The following LRFN2 variants were observed in gnomAD, a reference collection of about 807,000 sequenced individuals.
The protein encoded by LRFN2 is leucine rich repeat and fibronectin type III domain containing 2.
Under a neutral mutation model 37.3 loss-of-function variants are expected in LRFN2, and 18 were observed. The observed-to-expected ratio is 0.48, with a 90% CI of 0.33 to 0.72. The LOEUF is 0.72. Among genes scored for constraint, LRFN2 ranks in the 30% least tolerant of loss-of-function variants. The pLI is 0.02. For synonymous variants in LRFN2, 556 were observed against 466.6 expected (o/e 1.19, Z -2.47); for missense variants, 1,006 against 1,060.7 (o/e 0.95, Z 0.72).
intron 1 of LRFN2, among the ~76,000 whole-genome samples, chr6:40,556,282 C>G (rs1355753059): frequency 6.6e-6 from 1 of 152,208 alleles, no homozygotes; most frequent in African/African-American, 2.4e-5. Context: ...AGGGACCCAG[C>G]CCCGACTGAA....
intron 1 of LRFN2, among the ~76,000 whole-genome samples, chr6:40,560,380 G>A (rs530594930): frequency 6.6e-6 from 1 of 152,252 alleles, no homozygotes; most frequent in South Asian, 2.1e-4. Flanking sequence ...GCCTGACTGG[G>A]GAAGCCCAGT....
intron 2 of LRFN2, among the ~76,000 whole-genome samples, chr6:40,422,113 G>GT (rs1763241669): frequency 6.6e-6 from 1 of 152,164 alleles, no homozygotes; most frequent in Non-Finnish European, 1.5e-5. Flanking sequence ...TGCACATGGT[G>GT]TTTTGTTTCC....
intron 1 of LRFN2, among the ~76,000 whole-genome samples, chr6:40,438,927 C>T (rs763967464): frequency 4.6e-5 from 7 of 152,090 alleles, no homozygotes; most frequent in Non-Finnish European, 1.0e-4. Flanking sequence ...GTGATTTTTA[C>T]ATTTAAAACA....
intron 1 of LRFN2, among the ~76,000 whole-genome samples, chr6:40,564,861 C>G (rs1283291522): frequency 6.6e-6 from 1 of 152,248 alleles, no homozygotes; most frequent in Non-Finnish European, 1.5e-5. Flanking sequence ...GTGATCATAT[C>G]CTCCAACCCC....
At chr6:40,460,925 G>A (rs888723787) in intron 1 of LRFN2, among the ~76,000 whole-genome samples, 13 of 152,204 alleles carry the variant, frequency 8.5e-5, no homozygotes, top group Non-Finnish European at 1.5e-4. Context: ...CTTCTGGCCA[G>A]CTGAGTCTAC....
chr6:40,551,660 A>G (rs1261536472), intron 1 of LRFN2, among the ~76,000 whole-genome samples: 2 of 152,228 alleles, frequency 1.3e-5, no homozygotes, highest in Non-Finnish European at 2.9e-5. Flanking sequence ...GAACACCATC[A>G]AGCATCTGAG....
At chr6:40,560,950 C>T (rs1327815554) in intron 1 of LRFN2, among the ~76,000 whole-genome samples, 1 of 152,126 alleles carries the variant, frequency 6.6e-6, no homozygotes, top group Admixed American at 6.5e-5. Flanking sequence ...CTCTGTCTTC[C>T]CTGTCTGTAA....
chr6:40,539,631 A>G (rs370561855), intron 1 of LRFN2, among the ~76,000 whole-genome samples: 2 of 152,234 alleles, frequency 1.3e-5, no homozygotes. Flanking sequence ...TCCCAAGTGC[A>G]CAGATCTCCA....
rs547342618 is a variant in LRFN2 at position 40,581,612 on chromosome 6, G to A, written c.-19+5329C>T. ...TTCATTACAGGAAAGGTTGAATCAAGTAATCAATTCTACCCATCCAGAAAT... is the reference window on the plus strand; with the variant it reads ...TTCATTACAGGAAAGGTTGAATCAAATAATCAATTCTACCCATCCAGAAAT... On this transcript the variant is annotated intron_variant, in intron 1 of 2. Coordinates refer to ENST00000338305, the MANE Select transcript of LRFN2 (RefSeq NM_020737.3). 5.4e-3 allele frequency among the ~76,000 whole-genome samples: 823 copies of A among 152,300 alleles called. 3 individuals carry two copies. Among genetic ancestry groups the A allele is most frequent in the African/African-American group, 0.018 (742 of 41,546 alleles).
intron 1 of LRFN2, among the ~76,000 whole-genome samples, chr6:40,455,256 C>A (rs1245113425): frequency 6.6e-6 from 1 of 152,250 alleles, no homozygotes; most frequent in Non-Finnish European, 1.5e-5. Context: ...GCCTGTGCAT[C>A]TCTGAGACTA....
At chr6:40,482,047 C>T (rs1381088432) in intron 1 of LRFN2, among the ~76,000 whole-genome samples, 8 of 152,180 alleles carry the variant, frequency 5.3e-5, no homozygotes, top group Non-Finnish European at 1.2e-4. Flanking sequence ...CTTGCCCAAG[C>T]AGCTAGAAGG....
At chr6:40,485,153 T>C (rs1246687392) in intron 1 of LRFN2, among the ~76,000 whole-genome samples, 1 of 152,228 alleles carries the variant, frequency 6.6e-6, no homozygotes, top group African/African-American at 2.4e-5. Flanking sequence ...GTGTATAAAA[T>C]GTTCAACTAT....
chr6:40,409,705 T>C (rs897809027), intron 2 of LRFN2, among the ~76,000 whole-genome samples: 2 of 152,230 alleles, frequency 1.3e-5, no homozygotes, highest in East Asian at 1.9e-4. Context: ...ATGTAAGTGG[T>C]GAAGCATTTA....
intron 1 of LRFN2, among the ~76,000 whole-genome samples, chr6:40,469,478 G>A (rs574828771): frequency 1.3e-5 from 2 of 152,274 alleles, no homozygotes; most frequent in South Asian, 4.2e-4. Context: ...CAGGGCTCAG[G>A]GTTAGATGGG....
chr6:40,417,473 G>C (rs953118109), intron 2 of LRFN2, among the ~76,000 whole-genome samples: 3 of 152,180 alleles, frequency 2.0e-5, no homozygotes. Context: ...ACTAGAGTAG[G>C]TGATTTATTG....
At chr6:40,492,344 G>A (rs9367060) in intron 1 of LRFN2, among the ~76,000 whole-genome samples, 8,787 of 151,848 alleles carry the variant, frequency 0.058, 352 homozygotes, top group East Asian at 0.16. Flanking sequence ...GGCTGTCCCC[G>A]CCCCACAGCT....
chr6:40,547,867 C>T (rs796287381), intron 1 of LRFN2, among the ~76,000 whole-genome samples: 70 of 152,272 alleles, frequency 4.6e-4, no homozygotes, highest in African/African-American at 1.6e-3. Flanking sequence ...CCAGTGTTAC[C>T]AGCCCCAGGG....
At chr6:40,450,340 C>T (rs1237790791) in intron 1 of LRFN2, among the ~76,000 whole-genome samples, 1 of 152,222 alleles carries the variant, frequency 6.6e-6, no homozygotes, top group African/African-American at 2.4e-5. Context: ...AGCTCCTGGC[C>T]CATCAGAGTC....
At chr6:40,525,095 G>A (rs572269452) in intron 1 of LRFN2, among the ~76,000 whole-genome samples, 2 of 152,152 alleles carry the variant, frequency 1.3e-5, no homozygotes. Flanking sequence ...TTCCAGTCCT[G>A]GCCACCTCAT....
Sources: gnomAD v4.1 joint callset for allele counts (sites outside exome capture counted in the v4.1 genomes callset) on GRCh38, gnomAD v4.1.1 for gene constraint, MANE v1.5 for transcripts, NCBI Gene and HGNC (gene_info 2026-07-23, HGNC 2026-07-21) for gene names.